The following MYO9B variants were observed in gnomAD, a reference collection of about 807,000 sequenced individuals.
The protein encoded by MYO9B is myosin IXB.
A neutral mutation model predicts 229.5 loss-of-function variants in MYO9B; 71 were observed. The observed-to-expected ratio is 0.31, with a 90% CI of 0.26 to 0.38. The LOEUF (loss-of-function observed/expected upper bound fraction) is 0.38. Ranked by LOEUF, MYO9B falls within the 10% of genes least tolerant of loss-of-function variation. MYO9B has a pLI of 1.00. For synonymous variants in MYO9B, 1,185 were observed against 1,235.8 expected (o/e 0.96, Z 0.86); for missense variants, 2,255 against 2,920.5 (o/e 0.77, Z 5.25).
chr19:17,172,322 T>C lies in MYO9B; in HGVS notation c.1794-14T>C, dbSNP rs372269560. 1.5e-4 allele frequency: 239 copies of C among 1,613,118 alleles called. 1 individual carries two copies. The highest frequency in any genetic ancestry group is 1.9e-4 in the Non-Finnish European group (229 of 1,179,438). On this transcript the variant is annotated splice_polypyrimidine_tract_variant and intron_variant, in intron 11 of 39. Coordinates refer to ENST00000682292, the MANE Select transcript of MYO9B (RefSeq NM_004145.4). The surrounding 1 kb of genome is among the most constrained non-coding windows in gnomAD (Gnocchi z 8.2). ...GCTGTTCATGCCTGCAAAGGTTCCATGTTCTGTTCCCAGCTTCCCCCACGC... is the reference window on the plus strand; with the variant it reads ...GCTGTTCATGCCTGCAAAGGTTCCACGTTCTGTTCCCAGCTTCCCCCACGC...
intron 37 of MYO9B, 58 bp from the exon 38 acceptor site, chr19:17,210,657 C>T (rs968312209): frequency 2.6e-5 from 39 of 1,482,352 alleles, no homozygotes; most frequent in African/African-American, 2.3e-4. Flanking sequence ...CTCACACCTC[C>T]GGCAGTAACC....
intron 14 of MYO9B, among the ~76,000 whole-genome samples, chr19:17,179,739 T>C (rs1190564802): frequency 6.6e-6 from 1 of 150,960 alleles, no homozygotes; most frequent in Non-Finnish European, 1.5e-5. Flanking sequence ...TCATGGAATT[T>C]AAAAAATAAA....
intron 2 of MYO9B, among the ~76,000 whole-genome samples, chr19:17,117,582 C>A (rs1330542701): frequency 6.6e-6 from 1 of 152,202 alleles, no homozygotes; most frequent in Non-Finnish European, 1.5e-5. Context: ...AAATCCCGGA[C>A]AGTATCATCA....
chr19:17,106,547 C>A (rs573152012), intron 2 of MYO9B, among the ~76,000 whole-genome samples: 1 of 152,242 alleles, frequency 6.6e-6, no homozygotes, highest in African/African-American at 2.4e-5. Context: ...CCCCAGTGTC[C>A]TCCCAGCAGG....
At chr19:17,158,105 C>T (rs965077892) in intron 7 of MYO9B, among the ~76,000 whole-genome samples, 1 of 152,162 alleles carries the variant, frequency 6.6e-6, no homozygotes, top group Non-Finnish European at 1.5e-5. Context: ...GGACAGCCCC[C>T]CAATGGCAAA....
At chr19:17,153,856 A>G in intron 4 of MYO9B, 111 bp from the exon 5 acceptor site, 2 of 774,112 alleles carry the variant, frequency 2.6e-6, no homozygotes, top group Admixed American at 2.0e-5. Flanking sequence ...ACTGTTTTAA[A>G]TTTGTACATA....
rs1459253966 is a variant in MYO9B, at chr19:17,154,075, C to T, written c.1098+9C>T. 9 of 1,606,736 alleles carry T rather than the reference C, an allele frequency of 5.6e-6. No individual in the cohort carries two copies. The South Asian group carries it at 9.9e-5, about 18-fold the overall frequency. On this transcript the variant is annotated intron_variant, in intron 5 of 39. Coordinates refer to ENST00000682292, the MANE Select transcript of MYO9B (RefSeq NM_004145.4). ...ATTTCTACCTCAACCAGGTAAACAGCCTCAAGCCCGAGCCACAAACGCCAC... is the reference window on the plus strand; with the variant it reads ...ATTTCTACCTCAACCAGGTAAACAGTCTCAAGCCCGAGCCACAAACGCCAC...
At chr19:17,112,053 C>T (rs1379992746) in intron 2 of MYO9B, among the ~76,000 whole-genome samples, 1 of 152,210 alleles carries the variant, frequency 6.6e-6, no homozygotes, top group Non-Finnish European at 1.5e-5. Flanking sequence ...ATCAGCATTT[C>T]ATTCCTTTGT....
chr19:17,076,306 G>A (rs1235467180), intron 1 of MYO9B, among the ~76,000 whole-genome samples: 1 of 151,924 alleles, frequency 6.6e-6, no homozygotes, highest in African/African-American at 2.4e-5. Context: ...GGGGACGTCT[G>A]CCCGCGCGAT....
At chr19:17,090,729 G>A (rs1600025395) in intron 1 of MYO9B, among the ~76,000 whole-genome samples, 1 of 152,094 alleles carries the variant, frequency 6.6e-6, no homozygotes, top group East Asian at 1.9e-4. Context: ...GGGTGTGTTA[G>A]CCTTGGGGTA....
At chr19:17,137,647 G>A (rs934848398) in intron 2 of MYO9B, among the ~76,000 whole-genome samples, 6 of 152,158 alleles carry the variant, frequency 3.9e-5, no homozygotes, top group Non-Finnish European at 8.8e-5. Context: ...CCGCACATGG[G>A]TCCAGCCACA....
intron 1 of MYO9B, chr19:17,095,915 C>G (rs533161083): frequency 6.6e-6 from 1 of 152,166 alleles, no homozygotes; most frequent in East Asian, 1.9e-4. Flanking sequence ...TGCGCCCCCC[C>G]ACCACGCCTG....
At chr19:17,164,775 G>A (rs1320700609) in intron 10 of MYO9B, among the ~76,000 whole-genome samples, 1 of 152,142 alleles carries the variant, frequency 6.6e-6, no homozygotes, top group Non-Finnish European at 1.5e-5. Context: ...AAACTGACAG[G>A]CTTATGTAAA....
Position 17,136,690 on chromosome 19 carries a change from T to G in MYO9B, c.841-8707T>G, listed in dbSNP as rs186113853. Among the ~76,000 whole-genome samples, 27 of 152,058 alleles carry G rather than the reference T, an allele frequency of 1.8e-4. No homozygotes were observed. In the East Asian group the frequency reaches 5.2e-3, roughly 29 times the overall value. ...CACAGGATGGTTCACCCTCAAAAAG[T>G]CCCATAGGCACCCAGGAAAGTCAAC... is the stretch of plus-strand genomic sequence containing the variant. On this transcript the variant is annotated intron_variant, in intron 2 of 39. Transcript: ENST00000682292.
chr19:17,176,406 G>T (rs1231447619), intron 14 of MYO9B, among the ~76,000 whole-genome samples: 1 of 150,802 alleles, frequency 6.6e-6, no homozygotes, highest in Middle Eastern at 3.5e-3. Context: ...CCTGACCTTG[G>T]GTGATCCACC....
chr19:17,106,775 A>G (rs536404768), intron 2 of MYO9B, among the ~76,000 whole-genome samples: 1 of 152,164 alleles, frequency 6.6e-6, no homozygotes, highest in Non-Finnish European at 1.5e-5. Context: ...AAAAGTTTAA[A>G]AACTAGGCTG....
rs577862771 is a variant in MYO9B, at chr19:17,168,071, G to A, written c.1793+7G>A. 3.1e-6 allele frequency: 5 copies of A among 1,612,144 alleles called. No homozygotes were observed. The African/African-American group carries it at 6.7e-5, about 22-fold the overall frequency. On this transcript the variant is annotated splice_region_variant and intron_variant, in intron 11 of 39. Transcript: ENST00000682292. Reference sequence around the variant, plus strand: ...TGCTGGACGAGGAGAGCAAGTGAGTGTCCACACCCCGTCCATCCCGGCACA... The same window carrying A: ...TGCTGGACGAGGAGAGCAAGTGAGTATCCACACCCCGTCCATCCCGGCACA...
At chr19:17,125,308 C>T (rs868250467) in intron 2 of MYO9B, among the ~76,000 whole-genome samples, 1 of 124,208 alleles carries the variant, frequency 8.1e-6, no homozygotes, top group Non-Finnish European at 1.7e-5. Context: ...CCCCCCCCCC[C>T]CAAAAAAAGG....
intron 2 of MYO9B, among the ~76,000 whole-genome samples, chr19:17,111,162 A>G (rs2057844431): frequency 6.6e-6 from 1 of 152,116 alleles, no homozygotes; most frequent in Non-Finnish European, 1.5e-5. Flanking sequence ...TCCACCCAGC[A>G]TTGGGGGCGT....
Sources: gnomAD v4.1 joint callset for allele counts (sites outside exome capture counted in the v4.1 genomes callset) on GRCh38, gnomAD v4.1.1 for gene constraint, Gnocchi (gnomAD v3.1) non-coding constraint, MANE v1.5 for transcripts, NCBI Gene and HGNC (gene_info 2026-07-23, HGNC 2026-07-21) for gene names.